The following RANBP17 variants were observed in gnomAD, a reference collection of about 807,000 sequenced individuals.
RANBP17 encodes RAN binding protein 17, also known as ran-binding protein 17.
A neutral mutation model predicts 141.2 loss-of-function variants in RANBP17; 158 were observed. That is an observed-to-expected ratio of 1.12 (90% CI 0.98 to 1.28). The LOEUF (loss-of-function observed/expected upper bound fraction) is 1.28. Among genes scored for constraint, RANBP17 ranks in the 50% most tolerant of loss-of-function variants. The pLI, the probability that RANBP17 is intolerant of heterozygous loss-of-function variation, is 0.00. For synonymous variants in RANBP17, 430 were observed against 450.0 expected (o/e 0.96, Z 0.56); for missense variants, 1,438 against 1,290.7 (o/e 1.11, Z -1.75).
At chr5:171,287,180 T>C (rs922684209) in intron 25 of RANBP17, among the ~76,000 whole-genome samples, 1 of 152,184 alleles carries the variant, frequency 6.6e-6, no homozygotes, top group Non-Finnish European at 1.5e-5. Context: ...CTCTTCCCAT[T>C]AAGGCTGACA....
chr5:171,093,214 C>CAAA (rs112255949), intron 14 of RANBP17, among the ~76,000 whole-genome samples: 125 of 141,354 alleles, frequency 8.8e-4, no homozygotes, highest in African/African-American at 2.3e-3. Flanking sequence ...CAGTCTCCCC[C>CAAA]CAAAAAAAAA....
At chr5:170,990,231 A>G (rs1447098312) in intron 14 of RANBP17, among the ~76,000 whole-genome samples, 5 of 151,876 alleles carry the variant, frequency 3.3e-5, no homozygotes, top group African/African-American at 1.2e-4. Context: ...CTACACATAA[A>G]TGAATGCAAT....
chr5:170,979,961 A>G (rs1044190734), intron 14 of RANBP17, among the ~76,000 whole-genome samples: 4 of 152,242 alleles, frequency 2.6e-5, no homozygotes, highest in African/African-American at 9.6e-5. Flanking sequence ...GGATCTTCCA[A>G]GAGACTTATT....
chr5:170,962,005 T>C (rs1360941916), intron 13 of RANBP17, among the ~76,000 whole-genome samples: 3 of 152,176 alleles, frequency 2.0e-5, no homozygotes, highest in Non-Finnish European at 4.4e-5. Flanking sequence ...ATGTGTAATA[T>C]ATGTAGATGT....
chr5:170,887,237 A>G (rs1266279231), intron 3 of RANBP17, among the ~76,000 whole-genome samples: 2 of 152,246 alleles, frequency 1.3e-5, no homozygotes, highest in South Asian at 2.1e-4. Context: ...TCTGTGGCTT[A>G]TCTTTTTATT....
intron 25 of RANBP17, among the ~76,000 whole-genome samples, chr5:171,280,437 C>T (rs1767784978): frequency 6.6e-6 from 1 of 152,104 alleles, no homozygotes; most frequent in Admixed American, 6.5e-5. Flanking sequence ...ATCACCACAC[C>T]CAGCTAATTT....
At chr5:170,922,336 G>T (rs1282006740) in intron 11 of RANBP17, among the ~76,000 whole-genome samples, 1 of 152,184 alleles carries the variant, frequency 6.6e-6, no homozygotes, top group East Asian at 1.9e-4. Context: ...TTTGAACGCT[G>T]TGCTGAGAGA....
intron 3 of RANBP17, among the ~76,000 whole-genome samples, chr5:170,891,649 A>C (rs944148197): frequency 1.3e-5 from 2 of 152,206 alleles, no homozygotes; most frequent in African/African-American, 4.8e-5. Context: ...GGCATGGCTT[A>C]CATGGCTGGA....
chr5:171,065,780 A>G lies in RANBP17; in HGVS notation c.1710+97403A>G, dbSNP rs142171682. ...AAAGAGGTTTGTAGCATGTTTTTAT[A>G]CCTTGGAGTAGTTCTACCCTGCCTC... On this transcript the variant is annotated intron_variant, in intron 14 of 27. Transcript: ENST00000523189. 4.0e-3 allele frequency among the ~76,000 whole-genome samples: 615 copies of G among 152,182 alleles called. 5 individuals are homozygous for G. The highest frequency in any genetic ancestry group is 0.014 in the African/African-American group (593 of 41,530).
intron 14 of RANBP17, among the ~76,000 whole-genome samples, chr5:171,106,655 T>C (rs765480369): frequency 6.6e-6 from 1 of 152,172 alleles, no homozygotes; most frequent in Non-Finnish European, 1.5e-5. Flanking sequence ...ATTGTTAACT[T>C]TGTAACTTGG....
At chr5:171,034,515 T>C (rs1483651902) in intron 14 of RANBP17, among the ~76,000 whole-genome samples, 2 of 152,240 alleles carry the variant, frequency 1.3e-5, no homozygotes, top group African/African-American at 2.4e-5. Flanking sequence ...CTCTACCTGG[T>C]ATATTCTTCA....
chr5:170,961,560 C>G (rs1360473386), intron 13 of RANBP17, among the ~76,000 whole-genome samples: 1 of 152,070 alleles, frequency 6.6e-6, no homozygotes, highest in Non-Finnish European at 1.5e-5. Context: ...AAATCTGAAA[C>G]AGTTTGAGCA....
intron 14 of RANBP17, among the ~76,000 whole-genome samples, chr5:171,035,526 A>T (rs115443632): frequency 2.0e-5 from 3 of 148,340 alleles, no homozygotes; most frequent in Non-Finnish European, 4.5e-5. Flanking sequence ...TCTTTTGTGG[A>T]GGTCTAGAGT....
At chr5:171,086,648 A>C (rs1465076901) in intron 14 of RANBP17, among the ~76,000 whole-genome samples, 1 of 149,950 alleles carries the variant, frequency 6.7e-6, no homozygotes, top group Admixed American at 6.7e-5. Flanking sequence ...AGCTCCTGTT[A>C]TTGGTCTATT....
chr5:171,007,292 C>CT (rs773388250), intron 14 of RANBP17, among the ~76,000 whole-genome samples: 13 of 152,088 alleles, frequency 8.5e-5, no homozygotes, highest in Non-Finnish European at 1.8e-4. Flanking sequence ...AGCCAACTCT[C>CT]TAAGAGGAAA....
At chr5:170,956,784 A>G (rs997679365) in intron 13 of RANBP17, among the ~76,000 whole-genome samples, 2 of 150,976 alleles carry the variant, frequency 1.3e-5, no homozygotes, top group African/African-American at 4.9e-5. Context: ...AAGCAGGGAA[A>G]TAAACGACTG....
rs138254985 is a variant in RANBP17 at position 171,205,337 on chromosome 5, A to G, written c.2143-187A>G. ...ACTTAGCTAAATTTATAAGAAGTAA[A>G]GTGGAGTTGATCAGCAGATTTGATG... On this transcript the variant is annotated intron_variant, in intron 19 of 27. Transcript: ENST00000523189. Among the ~76,000 whole-genome samples, 335 of 152,342 alleles carry G rather than the reference A, an allele frequency of 2.2e-3. 2 individuals carry two copies. The highest frequency in any genetic ancestry group is 7.7e-3 in the African/African-American group (320 of 41,582).
At chr5:171,192,937 GT>G (rs928552392) in intron 18 of RANBP17, among the ~76,000 whole-genome samples, 8 of 152,168 alleles carry the variant, frequency 5.3e-5, no homozygotes, top group African/African-American at 1.9e-4. Context: ...TGTGGCCCAA[GT>G]TTCAGGGGCC....
At chr5:171,115,546 T>C (rs1755556993) in intron 14 of RANBP17, among the ~76,000 whole-genome samples, 1 of 152,216 alleles carries the variant, frequency 6.6e-6, no homozygotes, top group South Asian at 2.1e-4. Flanking sequence ...TTTAAATAAC[T>C]AGACTACATA....
Sources: allele counts gnomAD v4.1 joint callset (sites outside exome capture counted in the v4.1 genomes callset), GRCh38; gene constraint gnomAD v4.1.1; transcripts MANE v1.5; gene names NCBI Gene and HGNC (gene_info 2026-07-23, HGNC 2026-07-21).